YTHDF2: variants seen among roughly 807,000 people sequenced by gnomAD.
The protein encoded by YTHDF2 is YTH N6-methyladenosine RNA binding protein F2.
Under a neutral mutation model 50.4 loss-of-function variants are expected in YTHDF2, and 2 were observed. The observed-to-expected ratio is 0.04, with a 90% CI of 0.02 to 0.12. YTHDF2 has a LOEUF of 0.12. Ranked by LOEUF, YTHDF2 falls within the 10% of genes least tolerant of loss-of-function variation. The pLI is 1.00. For synonymous variants in YTHDF2, 217 were observed against 255.6 expected, an observed-to-expected ratio of 0.85 and a Z score of 1.44; for missense variants, 483 against 722.6, an observed-to-expected ratio of 0.67 and a Z score of 3.80.
rs1246169561 is a variant in YTHDF2, at chr1:28,745,806, G to A, written c.1716+1820G>A. Among the ~76,000 whole-genome samples, 8 of 146,736 alleles carry A rather than the reference G, an allele frequency of 5.5e-5. No individual in the cohort carries two copies. In the South Asian group the frequency reaches 1.7e-3, roughly 31 times the overall value. On this transcript the variant is annotated intron_variant, in intron 4 of 4. Coordinates refer to ENST00000373812, the MANE Select transcript of YTHDF2 (RefSeq NM_016258.3). ...TGTAATCCCAACACTTTGGGAGGAC[G>A]AGGCAGGAGGATTGCCTGGGCCTAG...
intron 3 of YTHDF2, among the ~76,000 whole-genome samples, chr1:28,740,856 A>G (rs908987302): frequency 5.9e-5 from 9 of 151,928 alleles, no homozygotes; most frequent in Non-Finnish European, 1.0e-4. Flanking sequence ...GGCGCCCGCC[A>G]CCATACCTGG....
chr1:28,763,261 T>C (rs1193697958), intron 4 of YTHDF2, among the ~76,000 whole-genome samples: 1 of 152,144 alleles, frequency 6.6e-6, no homozygotes, highest in Non-Finnish European at 1.5e-5. Context: ...TCCTAATTTA[T>C]TCATAGTTAA....
At chr1:28,754,779 G>C (rs2088011395) in intron 4 of YTHDF2, among the ~76,000 whole-genome samples, 1 of 152,008 alleles carries the variant, frequency 6.6e-6, no homozygotes, top group South Asian at 2.1e-4. Context: ...ACTCCAGCCT[G>C]GGCAATGAGA....
At position 28,738,285 on chromosome 1, in the gene YTHDF2, G is replaced by A. The variant is rs755888579; in HGVS notation, c.79G>A (p.Asp27Asn). Residue 27 changes from aspartate to asparagine, a missense_variant, in exon 3 of 5, where the codon GAT (aspartate) becomes AAT (asparagine). Coordinates refer to ENST00000373812, the MANE Select transcript of YTHDF2 (RefSeq NM_016258.3). The stretch of plus-strand genomic sequence containing the variant: ...ACAAAATGGATCTGTACATCAAAAG[G>A]ATGGATTAAACGATGATGATTTTGA... ...KVQNGSVHQKDGLNDDDFEPY... is the reference protein window; with the variant it reads ...KVQNGSVHQKNGLNDDDFEPY... 3 of 1,614,084 alleles carry A rather than the reference G, an allele frequency of 1.9e-6. No homozygotes were observed. In the South Asian group the frequency reaches 3.3e-5, roughly 18 times the overall value.
At chr1:28,754,616 G>A (rs958003733) in intron 4 of YTHDF2, among the ~76,000 whole-genome samples, 1 of 152,050 alleles carries the variant, frequency 6.6e-6, no homozygotes, top group Admixed American at 6.6e-5. Context: ...AAGGTCAGGA[G>A]TTCAAGACCA....
chr1:28,767,118 C>T (rs2088231134), intron 4 of YTHDF2, among the ~76,000 whole-genome samples: 1 of 151,192 alleles, frequency 6.6e-6, no homozygotes, highest in African/African-American at 2.4e-5. Context: ...GTTGGGATTA[C>T]AGGTGTGAGC....
chr1:28,741,168 T>G (rs1481933926), intron 3 of YTHDF2, among the ~76,000 whole-genome samples: 2 of 152,106 alleles, frequency 1.3e-5, no homozygotes, highest in Non-Finnish European at 2.9e-5. Context: ...TGGCTAATTT[T>G]TGTATTTTTA....
intron 4 of YTHDF2, among the ~76,000 whole-genome samples, chr1:28,762,249 G>A (rs1463737679): frequency 1.3e-5 from 2 of 152,106 alleles, no homozygotes; most frequent in African/African-American, 2.4e-5. Flanking sequence ...AAAATTAGCC[G>A]GGCATGGTGG....
chr1:28,766,118 G>A (rs1318660543), intron 4 of YTHDF2, among the ~76,000 whole-genome samples: 4 of 152,100 alleles, frequency 2.6e-5, no homozygotes, highest in South Asian at 2.1e-4. Context: ...TGTTTTCATT[G>A]TTTTGAGATA....
Position 28,742,865 on chromosome 1 carries a change from G to A in YTHDF2, c.595G>A (p.Val199Ile), listed in dbSNP as rs1425643559. 1 of 1,614,032 alleles carries A rather than the reference G, an allele frequency of 6.2e-7. No individual in the cohort carries two copies. The highest frequency in any genetic ancestry group is 8.5e-7 in the Non-Finnish European group (1 of 1,180,034). The part of the protein sequence containing the change: ...MAALKLGSTE[V>I]ASNVPKVVGS... ...AGCACTGAAGTTGGGTAGCACAGAA[G>A]TTGCAAGCAATGTTCCAAAAGTTGT... The change falls in exon 4 of 5, where the codon GTT (valine) becomes ATT (isoleucine). Residue 199 changes from valine to isoleucine, a missense_variant. Val to Ile is a conservative substitution (Grantham distance 29). Transcript: ENST00000373812.
At chr1:28,742,284 C>T (rs375737641) in intron 3 of YTHDF2, 119 bp from the exon 4 acceptor site, 90 of 1,322,336 alleles carry the variant, frequency 6.8e-5, no homozygotes, top group African/African-American at 5.7e-4. Context: ...TGTGAGCCAC[C>T]GCGTCCGGCC....
intron 3 of YTHDF2, among the ~76,000 whole-genome samples, chr1:28,741,457 C>G (rs1450152810): frequency 1.3e-5 from 2 of 152,162 alleles, no homozygotes; most frequent in Non-Finnish European, 2.9e-5. Context: ...GCCACCATGC[C>G]TAGCTAATTT....
chr1:28,749,387 AGCCAGGAT>A (rs1211915473), intron 4 of YTHDF2, among the ~76,000 whole-genome samples: 22 of 151,790 alleles, frequency 1.4e-4, no homozygotes, highest in Admixed American at 4.6e-4. Flanking sequence ...TCACCGTGTT[AGCCAGGAT>A]GGTCTCGATC....
chr1:28,743,900 A>T lies in YTHDF2; in HGVS notation c.1630A>T (p.Ile544Leu). 1 of 1,608,918 alleles carries T rather than the reference A, an allele frequency of 6.2e-7. No homozygotes were observed. The highest frequency in any genetic ancestry group is 8.5e-7 in the Non-Finnish European group (1 of 1,178,134). Residue 544 changes from isoleucine (I) to leucine (L), a missense_variant, in exon 4 of 5, where the codon ATA becomes TTA. Physicochemically the swap from Ile to Leu is conservative, Grantham distance 5. Coordinates refer to ENST00000373812, the MANE Select transcript of YTHDF2 (RefSeq NM_016258.3). This position sits in a 1 kb window ranked among gnomAD's most constrained non-coding sequence, Gnocchi z 6.9. ...LEKAKQVLKI[I>L]ASYKHTTSIF... ...AAAGGCTAAGCAGGTGTTGAAAATT[A>T]TAGCCAGCTACAAGCACACCACTTC...
At chr1:28,760,312 T>TGTGTGA (rs1176231350) in intron 4 of YTHDF2, among the ~76,000 whole-genome samples, 1 of 142,156 alleles carries the variant, frequency 7.0e-6, no homozygotes, top group African/African-American at 2.7e-5. Flanking sequence ...TGTGTGTGTG[T>TGTGTGA]GTGACGGAGT....
At chr1:28,761,106 A>AGTGTGTGTGTGT (rs137903917) in intron 4 of YTHDF2, among the ~76,000 whole-genome samples, 1 of 121,726 alleles carries the variant, frequency 8.2e-6, no homozygotes, top group Non-Finnish European at 1.6e-5. Context: ...ATCGTGCATG[A>AGTGTGTGTGTGT]GTGTGTGTGT....
intron 4 of YTHDF2, among the ~76,000 whole-genome samples, chr1:28,747,988 T>C (rs545364216): frequency 2.0e-5 from 3 of 147,066 alleles, no homozygotes; most frequent in African/African-American, 7.4e-5. Context: ...ATTAGCTGGG[T>C]GTGATGGTGG....
At chr1:28,750,080 T>C (rs1475299467) in intron 4 of YTHDF2, among the ~76,000 whole-genome samples, 1 of 131,884 alleles carries the variant, frequency 7.6e-6, no homozygotes, top group Non-Finnish European at 1.6e-5. Context: ...AACCTCTGCC[T>C]CCCAGGTTCA....
rs3968057 is a variant in YTHDF2, at chr1:28,743,340, G to A, written c.1070G>A (p.Arg357His). ...QPTRWVAPRN[R>H]GSGFGHNGVD... ...ACCCGCTGGGTAGCACCTCGGAACC[G>A]TGGCAGTGGGTTCGGTCATAATGGG... Residue 357 changes from arginine to histidine, a missense_variant, in exon 4 of 5, where the codon CGT (arginine) becomes CAT (histidine). Coordinates refer to ENST00000373812, the MANE Select transcript of YTHDF2 (RefSeq NM_016258.3). The surrounding 1 kb of genome is among the most constrained non-coding windows in gnomAD (Gnocchi z 6.9). 14 of 1,614,188 alleles carry A rather than the reference G, an allele frequency of 8.7e-6. No homozygotes were observed. Among genetic ancestry groups the A allele is most frequent in the Non-Finnish European group, 1.2e-5 (14 of 1,180,032 alleles).
Sources: gnomAD v4.1 joint callset for allele counts (sites outside exome capture counted in the v4.1 genomes callset) on GRCh38, gnomAD v4.1.1 for gene constraint, Gnocchi (gnomAD v3.1) non-coding constraint, MANE v1.5 for transcripts, NCBI Gene and HGNC (gene_info 2026-07-23, HGNC 2026-07-21) for gene names.